BDKRB2: variants seen among roughly 807,000 people sequenced by gnomAD.
BDKRB2 encodes the protein B2 bradykinin receptor.
Under a neutral mutation model 4.0 loss-of-function variants are expected in BDKRB2, and 6 were observed. That is an observed-to-expected ratio of 1.49 (90% CI 0.81 to 2.93). The LOEUF (loss-of-function observed/expected upper bound fraction) is 2.93, where lower values mean the gene tolerates loss of function less well. BDKRB2 is among the 30% of genes most tolerant of loss of function. The pLI is 0.00. For synonymous variants in BDKRB2, 225 were observed against 215.3 expected, an observed-to-expected ratio of 1.05 and a Z score of -0.40; for missense variants, 478 against 520.1, an observed-to-expected ratio of 0.92 and a Z score of 0.79.
At chr14:96,237,418 T>C (rs1209825300) in intron 2 of BDKRB2, among the ~76,000 whole-genome samples, 1 of 152,186 alleles carries the variant, frequency 6.6e-6, no homozygotes. Context: ...ACATTCCTGG[T>C]TGTCATATGT....
At position 96,228,001 on chromosome 14, in the gene BDKRB2, T is replaced by A. The variant is rs184650625; in HGVS notation, c.-39-9068T>A. 3.5e-4 allele frequency among the ~76,000 whole-genome samples: 53 copies of A among 152,294 alleles called. 1 individual carries two copies. In the South Asian group the frequency reaches 8.5e-3, roughly 24 times the overall value. On this transcript the variant is annotated intron_variant, in intron 1 of 2. Coordinates refer to ENST00000554311, the MANE Select transcript of BDKRB2 (RefSeq NM_001379692.1). ...AAGCTGCCCCCTGCACAGGGCTTGT[T>A]CCCTGGAGGGCTATAAGCCACAGCA...
rs200583746 is a variant in BDKRB2, at chr14:96,242,480, G to A, written c.*976G>A. The A allele has an allele frequency of 1.3e-5, 2 of 152,258 alleles. No individual in the cohort carries two copies. Among genetic ancestry groups the A allele is most frequent in the Non-Finnish European group, 2.9e-5 (2 of 68,054 alleles). 9.4% of individuals were successfully genotyped at this position (152,258 alleles called of 1,614,324 possible). ...CGTAACTGGGATATGTTTACTATAA[G>A]GAAAAGACACTGAGGTCTAGAAATA... On this transcript the variant is annotated 3_prime_UTR_variant, in exon 3 of 3. Coordinates refer to ENST00000554311, the MANE Select transcript of BDKRB2 (RefSeq NM_001379692.1).
At chr14:96,239,706 T>C in intron 2 of BDKRB2, 1 of 940,898 alleles carries the variant, frequency 1.1e-6, no homozygotes, top group Non-Finnish European at 1.3e-6. Context: ...GTGAGGTCAT[T>C]GTGGTTCAAG....
intron 1 of BDKRB2, among the ~76,000 whole-genome samples, chr14:96,218,817 G>C (rs1890485810): frequency 6.6e-6 from 1 of 152,000 alleles, no homozygotes; most frequent in Non-Finnish European, 1.5e-5. Flanking sequence ...TACTAGGAAG[G>C]CTGAGGCAGG....
intron 1 of BDKRB2, among the ~76,000 whole-genome samples, chr14:96,209,343 G>C (rs542522757): frequency 6.6e-6 from 1 of 152,230 alleles, no homozygotes; most frequent in Non-Finnish European, 1.5e-5. Context: ...AGAGTCATGA[G>C]ACTTAGTGTT....
intron 1 of BDKRB2, among the ~76,000 whole-genome samples, chr14:96,235,730 G>A (rs143703892): frequency 4.6e-5 from 7 of 152,020 alleles, no homozygotes; most frequent in African/African-American, 7.3e-5. Flanking sequence ...CCCAGGTGCC[G>A]GGTGTTGCAG....
intron 2 of BDKRB2, chr14:96,237,910 T>C (rs1048330301): frequency 1.5e-5 from 19 of 1,258,594 alleles, no homozygotes; most frequent in African/African-American, 3.1e-5. Flanking sequence ...TCTGGTGCTA[T>C]ACTTTGGTCT....
intron 1 of BDKRB2, among the ~76,000 whole-genome samples, chr14:96,209,724 G>T (rs145771812): frequency 3.3e-4 from 51 of 152,248 alleles, no homozygotes; most frequent in African/African-American, 1.2e-3. Flanking sequence ...GGCTGGGCAC[G>T]GTAGCTCACA....
intron 1 of BDKRB2, among the ~76,000 whole-genome samples, chr14:96,227,694 T>G (rs1000531523): frequency 6.7e-6 from 1 of 148,590 alleles, no homozygotes; most frequent in Non-Finnish European, 1.5e-5. Context: ...AACACACACA[T>G]GCACACACAC....
Position 96,240,446 on chromosome 14 carries a change from G to A in BDKRB2, c.118G>A (p.Gly40Arg), listed in dbSNP as rs199956553. The part of the protein sequence containing the change: ...NVTLQGPTLN[G>R]TFAQSKCPQV... The stretch of plus-strand genomic sequence containing the variant: ...CACCTTGCAAGGGCCCACTCTTAAC[G>A]GGACCTTTGCCCAGAGCAAATGCCC... Residue 40 changes from glycine (G) to arginine (R), a missense_variant, in exon 3 of 3, where the codon GGG (glycine) becomes AGG (arginine). Physicochemically the swap from Gly to Arg is moderately radical, Grantham distance 125 (BLOSUM62 -2). Transcript: ENST00000554311. 71 of 1,495,174 alleles carry A rather than the reference G, an allele frequency of 4.7e-5. 1 individual carries two copies. In the South Asian group the frequency reaches 7.6e-4, roughly 16 times the overall value. 92.6% of individuals were successfully genotyped at this position (1,495,174 alleles called of 1,614,324 possible).
At chr14:96,217,864 C>T (rs774246329) in intron 1 of BDKRB2, among the ~76,000 whole-genome samples, 10 of 152,264 alleles carry the variant, frequency 6.6e-5, no homozygotes, top group Non-Finnish European at 1.2e-4. Flanking sequence ...GCTCCAGACT[C>T]CTCCAACCAG....
chr14:96,221,237 C>T (rs1595253234), intron 1 of BDKRB2, among the ~76,000 whole-genome samples: 1 of 152,158 alleles, frequency 6.6e-6, no homozygotes, highest in African/African-American at 2.4e-5. Flanking sequence ...TAGTAAGCCT[C>T]CAAAAACTGA....
At chr14:96,229,042 T>G in intron 1 of BDKRB2, among the ~76,000 whole-genome samples, 1 of 152,128 alleles carries the variant, frequency 6.6e-6, no homozygotes, top group East Asian at 1.9e-4. Context: ...GAGCTCCATT[T>G]CCTTTTGCCT....
intron 2 of BDKRB2, chr14:96,237,949 G>A: frequency 8.3e-7 from 1 of 1,212,028 alleles, no homozygotes; most frequent in Non-Finnish European, 1.1e-6. Flanking sequence ...AAAGATGACA[G>A]ACTCTCCAAG....
chr14:96,225,878 G>C (rs1394665188), intron 1 of BDKRB2, among the ~76,000 whole-genome samples: 5 of 152,164 alleles, frequency 3.3e-5, no homozygotes, highest in Admixed American at 3.3e-4. Context: ...CCAGTAACTG[G>C]TTAGGCAGAG....
At chr14:96,226,252 C>G (rs564221760) in intron 1 of BDKRB2, among the ~76,000 whole-genome samples, 25 of 152,346 alleles carry the variant, frequency 1.6e-4, no homozygotes, top group African/African-American at 5.3e-4. Context: ...CCCCCACTAC[C>G]CCTCTGCCTC....
At chr14:96,239,139 G>C (rs1885195004) in intron 2 of BDKRB2, 7 of 985,342 alleles carry the variant, frequency 7.1e-6, no homozygotes, top group African/African-American at 1.7e-5. Flanking sequence ...TCCAGAAAGA[G>C]CCCCTTTTCC....
At chr14:96,220,006 G>A (rs989910922) in intron 1 of BDKRB2, among the ~76,000 whole-genome samples, 1 of 151,992 alleles carries the variant, frequency 6.6e-6, no homozygotes, top group Admixed American at 6.6e-5. Context: ...ACTTGAAACT[G>A]GTCACTGCGA....
At position 96,240,925 on chromosome 14, in the gene BDKRB2, G is replaced by T. The variant is rs199831344; in HGVS notation, c.597G>T (p.Lys199Asn). ...CCATGCTGGTGTTCCGGACCATGAA[G>T]GAGTACAGCGATGAGGGCCACAACG... ...SSPMLVFRTM[K>N]EYSDEGHNVT... The change falls in exon 3 of 3, where the codon AAG (lysine) becomes AAT (asparagine). Residue 199 changes from lysine (K) to asparagine (N), a missense_variant. By Grantham distance (94) the Lys-to-Asn change is moderately conservative. Transcript: ENST00000554311. The T allele has an allele frequency of 1.9e-6, 3 of 1,595,882 alleles. No homozygotes were observed. Among genetic ancestry groups the T allele is most frequent in the Non-Finnish European group, 2.6e-6 (3 of 1,171,052 alleles).
Sources: allele counts gnomAD v4.1 joint callset (sites outside exome capture counted in the v4.1 genomes callset), GRCh38; gene constraint gnomAD v4.1.1; transcripts MANE v1.5; gene names NCBI Gene and HGNC (gene_info 2026-07-23, HGNC 2026-07-21).